The following ZNF787 variants were observed in gnomAD, a reference collection of about 807,000 sequenced individuals.
The protein encoded by ZNF787 is TTF-I-interacting peptide 20.
A neutral mutation model predicts 16.9 loss-of-function variants in ZNF787; 7 were observed. That is an observed-to-expected ratio of 0.42 (90% CI 0.24 to 0.78). ZNF787 has a LOEUF of 0.78. Among genes scored for constraint, ZNF787 ranks in the 30% least tolerant of loss-of-function variants. ZNF787 has a pLI of 0.30. For missense variants in ZNF787, 551 were observed against 589.3 expected, an observed-to-expected ratio of 0.94 and a Z score of 0.67; for synonymous variants, 345 against 270.9, an observed-to-expected ratio of 1.27 and a Z score of -2.69.
At chr19:56,091,958 C>G (rs1214486635) in intron 2 of ZNF787, among the ~76,000 whole-genome samples, 8 of 151,748 alleles carry the variant, frequency 5.3e-5, no homozygotes, top group African/African-American at 1.2e-4. Context: ...AAAGCCGAAA[C>G]CGAAACCGAA....
Position 56,088,580 on chromosome 19 carries a change from G to A in ZNF787, c.592C>T (p.Arg198Trp), listed in dbSNP as rs1416176935. Residue 198 changes from arginine to tryptophan, a missense_variant, in exon 3 of 3, where the codon CGG becomes TGG. Arg to Trp is a moderately radical substitution (Grantham distance 101). This residue lies in a region of ZNF787 where 392 missense variants were observed against 312.7 expected (regional missense o/e 1.25). Transcript: ENST00000610935. This position sits in a 1 kb window ranked among gnomAD's most constrained non-coding sequence, Gnocchi z 8.6. Reference sequence around the variant, plus strand: ...GGCCCCGACAGCTCCGGGTGCAGCCGCAGGTGACGCGCGAGGCTCTTGGGC... The same window carrying A: ...GGCCCCGACAGCTCCGGGTGCAGCCACAGGTGACGCGCGAGGCTCTTGGGC... ...SQPKSLARHL[R>W]LHPELSGPGV... 3 of 1,508,174 alleles carry A rather than the reference G, an allele frequency of 2.0e-6. No individual in the cohort carries two copies. The highest frequency in any genetic ancestry group is 2.6e-6 in the Non-Finnish European group (3 of 1,135,972). 93.4% of individuals were successfully genotyped at this position (1,508,174 alleles called of 1,614,324 possible).
chr19:56,119,403 G>T (rs552749666), intron 1 of ZNF787, among the ~76,000 whole-genome samples: 1 of 152,240 alleles, frequency 6.6e-6, no homozygotes, highest in Non-Finnish European at 1.5e-5. Flanking sequence ...AAGAGACAGT[G>T]CCAAGGCCAA....
intron 2 of ZNF787, among the ~76,000 whole-genome samples, chr19:56,092,709 G>C (rs991650746): frequency 1.3e-5 from 2 of 152,098 alleles, no homozygotes; most frequent in African/African-American, 4.8e-5. Context: ...CAGACGCAGG[G>C]GATGGCGGGA....
rs1480730223 is a variant in ZNF787, at chr19:56,103,240, G to A, written c.-10-13C>T. The stretch of plus-strand genomic sequence containing the variant: ...CATGTCTGGGTCCCTGTTAGAAGGG[G>A]ATGAGACAGAAGGACAGAGTTTATG... On this transcript the variant is annotated splice_polypyrimidine_tract_variant and intron_variant, in intron 1 of 2. Transcript: ENST00000610935. The A allele has an allele frequency of 1.3e-6, 2 of 1,535,116 alleles. No individual in the cohort carries two copies. Among genetic ancestry groups the A allele is most frequent in the South Asian group, 1.3e-5 (1 of 77,840 alleles).
intron 2 of ZNF787, among the ~76,000 whole-genome samples, chr19:56,093,003 A>G (rs1056161017): frequency 6.6e-6 from 1 of 151,628 alleles, no homozygotes; most frequent in African/African-American, 2.4e-5. Context: ...TACCCCATAG[A>G]CACAGGAGGT....
chr19:56,109,890 A>G (rs114663925), intron 1 of ZNF787, among the ~76,000 whole-genome samples: 1 of 152,156 alleles, frequency 6.6e-6, no homozygotes, highest in Non-Finnish European at 1.5e-5. Context: ...TCTCAAAAAA[A>G]TAAAATAACA....
Position 56,088,053 on chromosome 19 carries a change from G to A in ZNF787, c.1119C>T (p.Cys373=), listed in dbSNP as rs752011393. The A allele has an allele frequency of 2.7e-5, 33 of 1,216,710 alleles. No individual in the cohort carries two copies. The highest frequency in any genetic ancestry group is 4.9e-5 in the South Asian group (3 of 61,578). 75.4% of individuals were successfully genotyped at this position (1,216,710 alleles called of 1,614,324 possible). The stretch of plus-strand genomic sequence containing the variant: ...GGCCCTCCCCACCGCGGCACTCGGG[G>A]CACCGCCCGCCCGCGGCCTCGTCGT... ...DDDDEAAGGR[C]PECRGGEGR is the part of the protein sequence containing the mutation. The change falls in exon 3 of 3, where the codon TGC becomes TGT. Residue 373 remains cysteine, a synonymous_variant. Transcript: ENST00000610935. The surrounding 1 kb of genome is among the most constrained non-coding windows in gnomAD (Gnocchi z 8.6).
chr19:56,092,480 C>T (rs1599940594), intron 2 of ZNF787, among the ~76,000 whole-genome samples: 1 of 152,132 alleles, frequency 6.6e-6, no homozygotes, highest in Admixed American at 6.5e-5. Flanking sequence ...GCCCAGGTTT[C>T]CCCTCCACGG....
intron 2 of ZNF787, among the ~76,000 whole-genome samples, chr19:56,094,187 C>CT (rs572443571): frequency 0.19 from 20,355 of 105,196 alleles, 2,582 homozygotes; most frequent in African/African-American, 0.38. Context: ...TCATGCCCGG[C>CT]TTTTTTTTTT....
At chr19:56,099,896 G>A (rs1055594468) in intron 2 of ZNF787, among the ~76,000 whole-genome samples, 29 of 152,112 alleles carry the variant, frequency 1.9e-4, no homozygotes, top group African/African-American at 4.8e-4. Flanking sequence ...TCTCGCTCCC[G>A]TCAAGCCAGG....
intron 2 of ZNF787, among the ~76,000 whole-genome samples, chr19:56,100,212 TC>T (rs1188760454): frequency 6.6e-6 from 1 of 152,038 alleles, no homozygotes; most frequent in Non-Finnish European, 1.5e-5. Context: ...GGTGGCACCC[TC>T]CCTCTTTGGC....
rs370549784 is a variant in ZNF787 at position 56,088,073 on chromosome 19, C to T, written c.1099G>A (p.Glu367Lys). The T allele has an allele frequency of 8.4e-6, 12 of 1,434,720 alleles. No homozygotes were observed. Among genetic ancestry groups the T allele is most frequent in the African/African-American group, 7.5e-5 (5 of 66,656 alleles). The allele number at this position is 1,434,720 out of a possible 1,614,324, so 88.9% of individuals were successfully genotyped here. ...TCGGGGCACCGCCCGCCCGCGGCCT[C>T]GTCGTCGTCGTCCTCCTCCTCCCCG... is the stretch of plus-strand genomic sequence containing the variant. ...AGGEEEDDDDEAAGGRCPECR... is the reference protein window; with the variant it reads ...AGGEEEDDDDKAAGGRCPECR... The change falls in exon 3 of 3, where the codon GAG becomes AAG. Residue 367 changes from glutamate to lysine, a missense_variant. Around this residue, in one of 4 missense-constraint regions of ZNF787, gnomAD observed 392 missense variants for 312.7 expected, o/e 1.25. Transcript: ENST00000610935. The surrounding 1 kb of genome is among the most constrained non-coding windows in gnomAD (Gnocchi z 8.6).
At chr19:56,120,211 G>T (rs963682628) in intron 1 of ZNF787, among the ~76,000 whole-genome samples, 4 of 152,186 alleles carry the variant, frequency 2.6e-5, no homozygotes, top group African/African-American at 9.7e-5. Context: ...CCTGGCACTG[G>T]AAAAACTTCT....
chr19:56,111,429 A>T (rs1035440152), intron 1 of ZNF787, among the ~76,000 whole-genome samples: 1 of 152,156 alleles, frequency 6.6e-6, no homozygotes, highest in African/African-American at 2.4e-5. Flanking sequence ...GGGGGCTCCT[A>T]GCCTGGGCTT....
chr19:56,107,776 G>A (rs1490610563), intron 1 of ZNF787, among the ~76,000 whole-genome samples: 2 of 151,878 alleles, frequency 1.3e-5, no homozygotes, highest in Non-Finnish European at 2.9e-5. Context: ...TCCCTGGATG[G>A]GCAGCGTGGA....
At chr19:56,109,782 G>A (rs1344361547) in intron 1 of ZNF787, among the ~76,000 whole-genome samples, 1 of 152,200 alleles carries the variant, frequency 6.6e-6, no homozygotes, top group East Asian at 1.9e-4. Flanking sequence ...TACTCGGGAG[G>A]CTGAGGCAGG....
At chr19:56,109,529 G>A (rs1258595382) in intron 1 of ZNF787, among the ~76,000 whole-genome samples, 1 of 152,146 alleles carries the variant, frequency 6.6e-6, no homozygotes, top group Admixed American at 6.5e-5. Context: ...GCTATTCTTG[G>A]GCATAGAAGC....
In ZNF787 at chr19:56,088,818, G is replaced by A. The variant is rs1568521622; in HGVS notation, c.354C>T (p.Gly118=). ...HLVQHRRIHT[G]EKPYACLECG... ...ACTCCAAGCAGGCGTAGGGCTTCTC[G>A]CCCGTGTGGATGCGCCGGTGCTGCA... The change falls in exon 3 of 3, where the codon GGC becomes GGT. Residue 118 remains glycine (G), a synonymous_variant. Coordinates refer to ENST00000610935, the MANE Select transcript of ZNF787 (RefSeq NM_001002836.4). The surrounding 1 kb of genome is among the most constrained non-coding windows in gnomAD (Gnocchi z 8.6). The A allele has an allele frequency of 6.2e-7, 1 of 1,611,918 alleles. No individual in the cohort carries two copies. The highest frequency in any genetic ancestry group is 8.5e-7 in the Non-Finnish European group (1 of 1,179,118).
At position 56,088,599 on chromosome 19, in the gene ZNF787, C is replaced by T. The variant is rs1436060417; in HGVS notation, c.573G>A (p.Lys191=). Residue 191 remains lysine (K), a synonymous_variant, in exon 3 of 3, where the codon AAG becomes AAA. Coordinates refer to ENST00000610935, the MANE Select transcript of ZNF787 (RefSeq NM_001002836.4). This position sits in a 1 kb window ranked among gnomAD's most constrained non-coding sequence, Gnocchi z 8.6. ...PRCGRGFSQP[K]SLARHLRLHP... is the part of the protein sequence containing the mutation. ...GCAGCCGCAGGTGACGCGCGAGGCT[C>T]TTGGGCTGGCTGAAGCCGCGGCCGC... is the stretch of plus-strand genomic sequence containing the variant. The T allele has an allele frequency of 6.6e-7, 1 of 1,518,702 alleles. No individual in the cohort carries two copies. The highest frequency in any genetic ancestry group is 2.1e-5 in the Admixed American group (1 of 47,920). 94.1% of individuals were successfully genotyped at this position (1,518,702 alleles called of 1,614,324 possible).
Sources: allele counts gnomAD v4.1 joint callset (sites outside exome capture counted in the v4.1 genomes callset), GRCh38; gene constraint gnomAD v4.1.1; regional missense constraint gnomAD v4.1.1; non-coding constraint Gnocchi (gnomAD v3.1); transcripts MANE v1.5; gene names NCBI Gene and HGNC (gene_info 2026-07-23, HGNC 2026-07-21).